The following ZC3H7B variants were observed in gnomAD, a reference collection of about 807,000 sequenced individuals.
ZC3H7B encodes zinc finger CCCH domain-containing protein 7B.
Under a neutral mutation model 116.0 loss-of-function variants are expected in ZC3H7B, and 35 were observed. That is an observed-to-expected ratio of 0.30 (90% confidence interval 0.23 to 0.40). The LOEUF (loss-of-function observed/expected upper bound fraction) is 0.40, where lower values mean the gene tolerates loss of function less well. Among genes scored for constraint, ZC3H7B ranks in the 10% least tolerant of loss-of-function variants. The pLI is 1.00. For synonymous variants in ZC3H7B, 502 were observed against 545.6 expected, an observed-to-expected ratio of 0.92 and a Z score of 1.11; for missense variants, 1,011 against 1,321.5, an observed-to-expected ratio of 0.77 and a Z score of 3.64.
intron 7 of ZC3H7B, chr22:41,333,319 C>G (rs909411912): frequency 4.6e-5 from 7 of 152,164 alleles, no homozygotes; most frequent in African/African-American, 1.7e-4. Context: ...CTTTGTAGCA[C>G]TCATGGTTTA....
At chr22:41,304,119 T>C (rs2145890884) in intron 1 of ZC3H7B, among the ~76,000 whole-genome samples, 1 of 152,218 alleles carries the variant, frequency 6.6e-6, no homozygotes, top group African/African-American at 2.4e-5. Flanking sequence ...AGTAGCACAA[T>C]TGTAGCTCAG....
chr22:41,318,528 C>CAAA (rs61267547), intron 1 of ZC3H7B, among the ~76,000 whole-genome samples: 2,978 of 92,184 alleles, frequency 0.032, 252 homozygotes, highest in African/African-American at 0.12. Flanking sequence ...GACTCCGCCT[C>CAAA]AAAAAAAAAA....
At chr22:41,340,540 G>T (rs927785108) in intron 10 of ZC3H7B, among the ~76,000 whole-genome samples, 1 of 152,126 alleles carries the variant, frequency 6.6e-6, no homozygotes, top group Non-Finnish European at 1.5e-5. Flanking sequence ...GGAGGAAGCC[G>T]TCTTGTCTGG....
Position 41,339,776 on chromosome 22 carries a change from C to G in ZC3H7B, c.817-40C>G, listed in dbSNP as rs1157330303. 1.9e-6 allele frequency: 3 copies of G among 1,543,368 alleles called. No individual in the cohort carries two copies. The African/African-American group carries it at 4.1e-5, about 21-fold the overall frequency. The stretch of plus-strand genomic sequence containing the variant: ...TGATGCTGCCCAGGCCTGGGCAGTC[C>G]TGTTTTCCTCTGACCCCTCCCTCTG... On this transcript the variant is annotated intron_variant, in intron 9 of 22. Coordinates refer to ENST00000352645, the MANE Select transcript of ZC3H7B (RefSeq NM_017590.6).
At position 41,338,229 on chromosome 22, in the gene ZC3H7B, A is replaced by G. The variant is rs1394818225; in HGVS notation, c.583-84A>G. The G allele has an allele frequency of 1.9e-5, 28 of 1,445,658 alleles. No individual in the cohort carries two copies. The highest frequency in any genetic ancestry group is 2.3e-5 in the East Asian group (1 of 42,634). 89.6% of individuals were successfully genotyped at this position (1,445,658 alleles called of 1,614,324 possible). ...TGCTCCTCGGTGCTGGGTCAACAGC[A>G]TAGTCACGTGGGGAGGGGCTGGTGC... On this transcript the variant is annotated intron_variant, in intron 7 of 22. Transcript: ENST00000352645. The surrounding 1 kb of genome is among the most constrained non-coding windows in gnomAD (Gnocchi z 4.5).
chr22:41,339,237 G>A (rs529963177), intron 9 of ZC3H7B, 46 bp downstream of exon 9: 43 of 1,549,198 alleles, frequency 2.8e-5, no homozygotes, highest in South Asian at 1.1e-4. Flanking sequence ...CCCTCTCCCC[G>A]CTGTGTCCCC....
rs369523814 is a variant in ZC3H7B, at chr22:41,339,122, C to T, written c.747C>T (p.Thr249=). 65 of 1,612,980 alleles carry T rather than the reference C, an allele frequency of 4.0e-5. No individual in the cohort carries two copies. The highest frequency in any genetic ancestry group is 6.7e-5 in the Admixed American group (4 of 59,856). ...ACAGCAGCAGGACCCTCCCCAGCAC[C>T]GACAGCCTGGATGACTTCTCAGACG... ...PLDSSRTLPS[T]DSLDDFSDGD... The change falls in exon 9 of 23, where the codon ACC becomes ACT. Residue 249 remains threonine (T), a synonymous_variant. Coordinates refer to ENST00000352645, the MANE Select transcript of ZC3H7B (RefSeq NM_017590.6).
At chr22:41,355,116 A>G (rs1264354928) in intron 17 of ZC3H7B, among the ~76,000 whole-genome samples, 5 of 152,186 alleles carry the variant, frequency 3.3e-5, no homozygotes, top group Admixed American at 6.5e-5. Context: ...TAGTTTCTAG[A>G]ACAGGCTGGA....
intron 7 of ZC3H7B, among the ~76,000 whole-genome samples, chr22:41,337,868 C>CTT (rs1350031585): frequency 5.1e-5 from 7 of 136,356 alleles, no homozygotes; most frequent in African/African-American, 1.1e-4. Context: ...CGTGTGAGGG[C>CTT]TTTTTTTTTT....
At chr22:41,331,209 A>G (rs2036378646) in intron 6 of ZC3H7B, among the ~76,000 whole-genome samples, 1 of 146,410 alleles carries the variant, frequency 6.8e-6, no homozygotes, top group Non-Finnish European at 1.5e-5. Flanking sequence ...AGATCGCACC[A>G]TTGCACTCCA....
Position 41,351,772 on chromosome 22 carries a change from A to G in ZC3H7B, c.2034+126A>G, listed in dbSNP as rs1192273120. ...GGAGGCACCTCGAATAAGTTATGAAAGTAACTTGGATAATGTACACATTCA... is the reference window on the plus strand; with the variant it reads ...GGAGGCACCTCGAATAAGTTATGAAGGTAACTTGGATAATGTACACATTCA... On this transcript the variant is annotated intron_variant, in intron 17 of 22. Coordinates refer to ENST00000352645, the MANE Select transcript of ZC3H7B (RefSeq NM_017590.6). This position sits in a 1 kb window ranked among gnomAD's most constrained non-coding sequence, Gnocchi z 5.1. 1 of 821,118 alleles carries G rather than the reference A, an allele frequency of 1.2e-6. No individual in the cohort carries two copies. Among genetic ancestry groups the G allele is most frequent in the African/African-American group, 1.7e-5 (1 of 57,942 alleles). The allele number at this position is 821,118 out of a possible 1,614,324, so 50.9% of individuals were successfully genotyped here. A position where few individuals can be genotyped will look rare whatever the true frequency, so the allele number is the denominator to read the frequency against.
chr22:41,344,727 C>T (rs1195217759), intron 13 of ZC3H7B, among the ~76,000 whole-genome samples: 1 of 152,158 alleles, frequency 6.6e-6, no homozygotes, highest in Non-Finnish European at 1.5e-5. Flanking sequence ...ACAGGTCCCA[C>T]CCCCAGGAAA....
chr22:41,325,609 C>T lies in ZC3H7B; in HGVS notation c.87+12C>T. The T allele has an allele frequency of 6.2e-7, 1 of 1,611,698 alleles. No individual in the cohort carries two copies. On this transcript the variant is annotated intron_variant, in intron 3 of 22. Transcript: ENST00000352645. ...AAGAAGAATATGAGGTGAGTGTCAGCTGCCAGGCTGAGCAAAGGTGAAGGG... is the reference window on the plus strand; with the variant it reads ...AAGAAGAATATGAGGTGAGTGTCAGTTGCCAGGCTGAGCAAAGGTGAAGGG...
chr22:41,334,027 G>C (rs574060403), intron 7 of ZC3H7B: 1 of 152,274 alleles, frequency 6.6e-6, no homozygotes, highest in Admixed American at 6.5e-5. Context: ...AGGCCCTGAG[G>C]CCTGGAGGAG....
Position 41,354,710 on chromosome 22 carries a change from A to T in ZC3H7B, c.2035-759A>T, listed in dbSNP as rs542801834. Among the ~76,000 whole-genome samples the T allele has an allele frequency of 3.9e-5, 6 of 152,326 alleles. No homozygotes were observed. In the East Asian group the frequency reaches 9.7e-4, roughly 25 times the overall value. ...GGTTCAAGGTGGCAGGAGACAAGGCAGAGTGAGCATTTTTCCTACCTCTGG... is the reference window on the plus strand; with the variant it reads ...GGTTCAAGGTGGCAGGAGACAAGGCTGAGTGAGCATTTTTCCTACCTCTGG... On this transcript the variant is annotated intron_variant, in intron 17 of 22. Transcript: ENST00000352645.
chr22:41,313,279 A>T (rs184373088), intron 1 of ZC3H7B, among the ~76,000 whole-genome samples: 102 of 151,818 alleles, frequency 6.7e-4, no homozygotes, highest in African/African-American at 2.3e-3. Flanking sequence ...CCACCACGCC[A>T]GGCTAATTTT....
At chr22:41,301,892 G>A (rs2035970380) in intron 1 of ZC3H7B, 120 bp downstream of exon 1, 1 of 151,704 alleles carries the variant, frequency 6.6e-6, no homozygotes, top group South Asian at 2.1e-4. Flanking sequence ...AAGAGGCGAA[G>A]AGAGCCCTTT....
At position 41,349,818 on chromosome 22, in the gene ZC3H7B, C is replaced by G. The variant is rs1424441227; in HGVS notation, c.1948+517C>G. 6.6e-6 allele frequency among the ~76,000 whole-genome samples: 1 copy of G among 152,236 alleles called. No individual in the cohort carries two copies. Among genetic ancestry groups the G allele is most frequent in the Non-Finnish European group, 1.5e-5 (1 of 68,038 alleles). On this transcript the variant is annotated intron_variant, in intron 16 of 22. Coordinates refer to ENST00000352645, the MANE Select transcript of ZC3H7B (RefSeq NM_017590.6). This position sits in a 1 kb window ranked among gnomAD's most constrained non-coding sequence, Gnocchi z 4.9. ...AGTCGAGGCCCTTACTTTCAGAGAACCTACATTTATAAGTGGGGGCCAGAC... is the reference window on the plus strand; with the variant it reads ...AGTCGAGGCCCTTACTTTCAGAGAAGCTACATTTATAAGTGGGGGCCAGAC...
rs376298378 is a variant in ZC3H7B at position 41,349,341 on chromosome 22, G to A, written c.1948+40G>A. On this transcript the variant is annotated intron_variant, in intron 16 of 22. Transcript: ENST00000352645. This position sits in a 1 kb window ranked among gnomAD's most constrained non-coding sequence, Gnocchi z 4.9. ...GTGCAGGTGGAGGGCAGGTGACTCA[G>A]GTGAGGGGTAGGCGGCGCAGGTGAA... 3.0e-5 allele frequency: 48 copies of A among 1,606,082 alleles called. No homozygotes were observed. The highest frequency in any genetic ancestry group is 3.9e-5 in the Non-Finnish European group (46 of 1,175,302).
Sources: gnomAD v4.1 joint callset for allele counts (sites outside exome capture counted in the v4.1 genomes callset) on GRCh38, gnomAD v4.1.1 for gene constraint, Gnocchi (gnomAD v3.1) non-coding constraint, MANE v1.5 for transcripts, NCBI Gene and HGNC (gene_info 2026-07-23, HGNC 2026-07-21) for gene names.